The following SEC22C variants were observed in gnomAD, a reference collection of about 807,000 sequenced individuals.
SEC22C encodes vesicle-trafficking protein SEC22c.
SEC22C carries 29 observed loss-of-function variants against 34.7 expected under a neutral mutation model. The ratio of observed to expected loss-of-function variants is 0.84; its 90% CI spans 0.62 to 1.14. SEC22C has a LOEUF of 1.14. SEC22C is among the 50% of genes most tolerant of loss of function. The probability of loss-of-function intolerance (pLI) is 0.00; values close to 1 mark genes in which losing one functional copy is unlikely to be tolerated. For missense variants in SEC22C, 337 were observed against 369.0 expected (o/e 0.91, Z 0.71); for synonymous variants, 117 against 132.8 (o/e 0.88, Z 0.82).
intron 1 of SEC22C, among the ~76,000 whole-genome samples, chr3:42,593,969 T>TAGCC (rs1386075227): frequency 1.8e-4 from 27 of 152,270 alleles, no homozygotes; most frequent in Admixed American, 6.5e-4. Flanking sequence ...AACAAAGGTA[T>TAGCC]AGCCATAAGA....
In SEC22C at chr3:42,550,013, C is replaced by T. The variant is rs1702169800; in HGVS notation, c.*3235G>A. 1.0e-6 allele frequency: 1 copy of T among 985,376 alleles called. No homozygotes were observed. The allele number at this position is 985,376 out of a possible 1,614,324, so 61.0% of individuals were successfully genotyped here. On this transcript the variant is annotated 3_prime_UTR_variant, in exon 7 of 7. Transcript: ENST00000264454. ...AGGAAAAGGAAAGCCAGGTACACTT[C>T]TCATCACAGTAAGACTAGCCTAACA...
intron 5 of SEC22C, among the ~76,000 whole-genome samples, chr3:42,556,826 C>A (rs145989864): frequency 6.6e-6 from 1 of 152,102 alleles, no homozygotes; most frequent in Non-Finnish European, 1.5e-5. Context: ...CAGTTTCAAG[C>A]GACTCTCCCA....
intron 4 of SEC22C, among the ~76,000 whole-genome samples, chr3:42,560,190 TTA>T (rs1484926389): frequency 5.4e-4 from 79 of 145,424 alleles, no homozygotes; most frequent in African/African-American, 1.6e-3. Flanking sequence ...AATATATATA[TTA>T]TATATATAAT....
intron 1 of SEC22C, among the ~76,000 whole-genome samples, chr3:42,576,146 A>C (rs1265231274): frequency 6.6e-6 from 1 of 152,226 alleles, no homozygotes; most frequent in East Asian, 1.9e-4. Context: ...AAATTAAAAA[A>C]ATACATTGAA....
At position 42,552,883 on chromosome 3, in the gene SEC22C, T is replaced by G. The variant is rs1702315764; in HGVS notation, c.*365A>C. On this transcript the variant is annotated 3_prime_UTR_variant, in exon 7 of 7. Coordinates refer to ENST00000264454, the MANE Select transcript of SEC22C (RefSeq NM_032970.4). The stretch of plus-strand genomic sequence containing the variant: ...TAAAGTGGTTCCTTGGAGACAACTC[T>G]CAATGACTAAAACCAGTGTTATTGA... 2.0e-5 allele frequency: 21 copies of G among 1,045,370 alleles called. No individual in the cohort carries two copies. Among genetic ancestry groups the G allele is most frequent in the Non-Finnish European group, 2.4e-5 (21 of 868,076 alleles). The allele number at this position is 1,045,370 out of a possible 1,614,324, so 64.8% of individuals were successfully genotyped here. A position where few individuals can be genotyped will look rare whatever the true frequency, so the allele number is the denominator to read the frequency against.
intron 6 of SEC22C, among the ~76,000 whole-genome samples, chr3:42,554,731 A>G (rs1037474108): frequency 6.6e-6 from 1 of 152,194 alleles, no homozygotes; most frequent in African/African-American, 2.4e-5. Flanking sequence ...AAAAAAAGGG[A>G]GAAAAAATAT....
chr3:42,594,655 T>A, intron 1 of SEC22C: 1 of 597,148 alleles, frequency 1.7e-6, no homozygotes, highest in Non-Finnish European at 2.9e-6. Flanking sequence ...TTTCGAAACG[T>A]GAAAATGTGA....
In SEC22C at chr3:42,578,539, T is replaced by TACACAC. The variant is rs66708395; in HGVS notation, c.-28+3301_-28+3306dup. Among the ~76,000 whole-genome samples, 1,059 of 146,772 alleles carry TACACAC rather than the reference T, an allele frequency of 7.2e-3. 12 individuals are homozygous for TACACAC. Among genetic ancestry groups the TACACAC allele is most frequent in the East Asian group, 0.05 (246 of 4,962 alleles). ...TCTACACACGATAAAGTGACAGTAC[T>TACACAC]ACACACACACACACACACACACACA... On this transcript the variant is annotated intron_variant, in intron 1 of 6. Transcript: ENST00000264454.
intron 1 of SEC22C, chr3:42,594,310 C>A: frequency 1.3e-6 from 1 of 743,750 alleles, no homozygotes; most frequent in Non-Finnish European, 2.4e-6. Flanking sequence ...AACACTGAAT[C>A]ATCCAGTCAG....
At chr3:42,568,287 A>C (rs1703381575) in intron 2 of SEC22C, among the ~76,000 whole-genome samples, 1 of 151,892 alleles carries the variant, frequency 6.6e-6, no homozygotes, top group Non-Finnish European at 1.5e-5. Flanking sequence ...AAAAACTACA[A>C]AACTAAAGAC....
rs1703444048 is a variant in SEC22C, at chr3:42,569,056, G to C, written c.-10C>G. On this transcript the variant is annotated 5_prime_UTR_variant, in exon 2 of 7. Transcript: ENST00000264454. Reference sequence around the variant, plus strand: ...AAAAGATCACGGACATGGTCCACAAGAGAAGTCATGAGGACACCTGAGGAA... The same window carrying C: ...AAAAGATCACGGACATGGTCCACAACAGAAGTCATGAGGACACCTGAGGAA... The C allele has an allele frequency of 6.2e-7, 1 of 1,612,358 alleles. No individual in the cohort carries two copies. The highest frequency in any genetic ancestry group is 8.5e-7 in the Non-Finnish European group (1 of 1,179,112).
intron 1 of SEC22C, chr3:42,600,937 C>T: frequency 8.0e-7 from 1 of 1,255,190 alleles, no homozygotes; most frequent in Non-Finnish European, 1.1e-6. Context: ...TGCCCTCGCC[C>T]CCGCCCTCGC....
intron 4 of SEC22C, among the ~76,000 whole-genome samples, chr3:42,560,243 A>C (rs1475451238): frequency 4.1e-5 from 6 of 147,670 alleles, no homozygotes; most frequent in Non-Finnish European, 8.9e-5. Flanking sequence ...AGTAACTTAT[A>C]GAAAAAGAGA....
chr3:42,590,713 C>T, intron 1 of SEC22C: 2 of 671,862 alleles, frequency 3.0e-6, no homozygotes, highest in South Asian at 1.7e-5. Flanking sequence ...ACGAAAACGC[C>T]CCCGGCGTTC....
intron 2 of SEC22C, chr3:42,565,778 G>GT (rs1376312110): frequency 7.0e-6 from 3 of 428,488 alleles, no homozygotes; most frequent in African/African-American, 6.2e-5. Flanking sequence ...TGCGATACCT[G>GT]TGAGAGAACG....
Position 42,553,273 on chromosome 3 carries a change from T to C in SEC22C, c.887A>G (p.Glu296Gly), listed in dbSNP as rs1179878055. Residue 296 changes from glutamate (E) to glycine (G), a missense_variant, in exon 7 of 7, where the codon GAG becomes GGG. Glu to Gly is a moderately conservative substitution (Grantham distance 98). Transcript: ENST00000264454. ...TCATACTCCACAGTCAGACTGCTTC[T>C]CCTGAAGCTGCCTTGTTAGTATCTG... ...SYQILTRQLQ[E>G]KQSDCGV is the part of the protein sequence containing the mutation. 6.8e-6 allele frequency: 11 copies of C among 1,614,130 alleles called. No homozygotes were observed. Among genetic ancestry groups the C allele is most frequent in the Non-Finnish European group, 9.3e-6 (11 of 1,180,010 alleles).
chr3:42,579,105 C>G (rs1269154422), intron 1 of SEC22C, among the ~76,000 whole-genome samples: 1 of 152,050 alleles, frequency 6.6e-6, no homozygotes, highest in Non-Finnish European at 1.5e-5. Context: ...TGGAGAAACC[C>G]CGTCTCTACT....
chr3:42,566,055 G>A (rs1703216708), intron 2 of SEC22C, among the ~76,000 whole-genome samples: 1 of 152,104 alleles, frequency 6.6e-6, no homozygotes, highest in Non-Finnish European at 1.5e-5. Flanking sequence ...GCCTTTAACA[G>A]AGAAAAGCTT....
upstream of SEC22C, chr3:42,582,093 G>T (rs1232928086): frequency 1.3e-5 from 2 of 152,320 alleles, no homozygotes; most frequent in South Asian, 4.1e-4. Context: ...CCCGGCGAAG[G>T]CGCGAACGTA....
Sources: gnomAD v4.1 joint callset for allele counts (sites outside exome capture counted in the v4.1 genomes callset) on GRCh38, gnomAD v4.1.1 for gene constraint, MANE v1.5 for transcripts, NCBI Gene and HGNC (gene_info 2026-07-23, HGNC 2026-07-21) for gene names.